CCSER1: variants seen among roughly 807,000 people sequenced by gnomAD.
The protein encoded by CCSER1 is serine-rich coiled-coil domain-containing protein 1.
CCSER1 carries 41 observed loss-of-function variants against 82.0 expected under a neutral mutation model. The ratio of observed to expected loss-of-function variants is 0.50; its 90% CI spans 0.39 to 0.65. The LOEUF (loss-of-function observed/expected upper bound fraction) is 0.65, where lower values mean the gene tolerates loss of function less well. CCSER1 is among the 30% of genes least tolerant of loss of function. The probability of loss-of-function intolerance (pLI) is 0.00; values close to 1 mark genes in which losing one functional copy is unlikely to be tolerated. For missense variants in CCSER1, 1,119 were observed against 1,064.2 expected, an observed-to-expected ratio of 1.05 and a Z score of -0.72; for synonymous variants, 414 against 383.9, an observed-to-expected ratio of 1.08 and a Z score of -0.92.
chr4:91,505,524 T>C (rs1233967897), intron 10 of CCSER1, among the ~76,000 whole-genome samples: 2 of 152,224 alleles, frequency 1.3e-5, no homozygotes, highest in Non-Finnish European at 2.9e-5. Flanking sequence ...TACCACACTA[T>C]CTTTCAAAAT....
intron 9 of CCSER1, among the ~76,000 whole-genome samples, chr4:90,968,723 C>A (rs1451263713): frequency 6.6e-6 from 1 of 151,928 alleles, no homozygotes. Flanking sequence ...CAGGAAGTTA[C>A]ATCTTCACCA....
chr4:90,285,008 A>C (rs1410522943), intron 1 of CCSER1, among the ~76,000 whole-genome samples: 1 of 151,918 alleles, frequency 6.6e-6, no homozygotes, highest in African/African-American at 2.4e-5. Context: ...GTTTGTTTTT[A>C]TGCTAGTATC....
intron 10 of CCSER1, among the ~76,000 whole-genome samples, chr4:91,515,255 T>C (rs561087053): frequency 6.6e-6 from 1 of 152,220 alleles, no homozygotes; most frequent in South Asian, 2.1e-4. Context: ...TTTGTTAATA[T>C]AGGTAAAGTC....
chr4:90,839,093 G>T (rs528019572), intron 8 of CCSER1: 1 of 1,372,226 alleles, frequency 7.3e-7, no homozygotes, highest in African/African-American at 1.4e-5. Context: ...TCTGGTCTGC[G>T]CAGTGGCCAC....
intron 3 of CCSER1, among the ~76,000 whole-genome samples, chr4:90,369,185 A>G (rs1470393302): frequency 2.3e-5 from 3 of 132,472 alleles, no homozygotes; most frequent in Admixed American, 7.5e-5. Context: ...GAGAAGGACA[A>G]AGATTAGGAT....
At chr4:91,037,735 A>C (rs72886612) in intron 9 of CCSER1, among the ~76,000 whole-genome samples, 2,332 of 152,060 alleles carry the variant, frequency 0.015, 71 homozygotes, top group African/African-American at 0.053. Flanking sequence ...GTATCTATAT[A>C]TCTTTTAATC....
rs1022591200 is a variant in CCSER1 at position 90,194,250 on chromosome 4, A to G, written c.-42+66419A>G. Reference sequence around the variant, plus strand: ...TATTTAACATAAGCCTTGATTTTTTATCTGTAAAGTAGGCATACTATTGTC... The same window carrying G: ...TATTTAACATAAGCCTTGATTTTTTGTCTGTAAAGTAGGCATACTATTGTC... On this transcript the variant is annotated intron_variant, in intron 1 of 10. Coordinates refer to ENST00000509176, the MANE Select transcript of CCSER1 (RefSeq NM_001145065.2). 1.3e-4 allele frequency among the ~76,000 whole-genome samples: 20 copies of G among 152,060 alleles called. No individual in the cohort carries two copies. In the East Asian group the frequency reaches 1.5e-3, roughly 12 times the overall value.
chr4:90,694,050 G>A (rs1313698041), intron 6 of CCSER1, among the ~76,000 whole-genome samples: 1 of 151,866 alleles, frequency 6.6e-6, no homozygotes, highest in Non-Finnish European at 1.5e-5. Context: ...AAAAGACATG[G>A]TGATTTTAAA....
chr4:90,588,213 A>G (rs1193001918), intron 5 of CCSER1, among the ~76,000 whole-genome samples: 1 of 152,166 alleles, frequency 6.6e-6, no homozygotes, highest in Admixed American at 6.6e-5. Flanking sequence ...TGATTCACTC[A>G]CAAGAGATTT....
intron 5 of CCSER1, among the ~76,000 whole-genome samples, chr4:90,566,751 C>A (rs935123224): frequency 6.6e-6 from 1 of 151,854 alleles, no homozygotes; most frequent in Non-Finnish European, 1.5e-5. Flanking sequence ...TACAGACGCC[C>A]GCCACCACGC....
Position 91,532,703 on chromosome 4 carries a change from C to CA in CCSER1, c.2218-65862dup, listed in dbSNP as rs11346458. Among the ~76,000 whole-genome samples, 11 of 151,674 alleles carry CA rather than the reference C, an allele frequency of 7.3e-5. No homozygotes were observed. In the East Asian group the frequency reaches 1.9e-3, roughly 27 times the overall value. ...GTAACATGATGAAACCCATTCTCTA[C>CA]AAAAAAATATGAAAATTAGATGGGT... On this transcript the variant is annotated intron_variant, in intron 10 of 10. Transcript: ENST00000509176.
At chr4:90,918,423 TA>T (rs1310179079) in intron 8 of CCSER1, 62 of 363,452 alleles carry the variant, frequency 1.7e-4, no homozygotes, top group African/African-American at 1.2e-3. Context: ...AAAGCTGGAG[TA>T]AAAGACATTA....
intron 3 of CCSER1, among the ~76,000 whole-genome samples, chr4:90,333,217 C>T (rs1739660015): frequency 6.6e-6 from 1 of 152,036 alleles, no homozygotes. Flanking sequence ...TTACTAGTTC[C>T]TCACCTCTCT....
intron 5 of CCSER1, among the ~76,000 whole-genome samples, chr4:90,541,182 G>A (rs1283818457): frequency 6.6e-6 from 1 of 152,012 alleles, no homozygotes; most frequent in African/African-American, 2.4e-5. Context: ...GGAAGAAAAG[G>A]ATGTAGAAAT....
chr4:90,849,564 T>C lies in CCSER1; in HGVS notation c.2094+33719T>C, dbSNP rs530957160. ...CAGCACTTTGGGAGGCTGAGGTGGG[T>C]GGATCATGAGGTCAGGAGATCAAGA... On this transcript the variant is annotated intron_variant, in intron 8 of 10. Coordinates refer to ENST00000509176, the MANE Select transcript of CCSER1 (RefSeq NM_001145065.2). Among the ~76,000 whole-genome samples, 4 of 151,670 alleles carry C rather than the reference T, an allele frequency of 2.6e-5. No homozygotes were observed. In the East Asian group the frequency reaches 5.8e-4, roughly 22 times the overall value.
intron 8 of CCSER1, among the ~76,000 whole-genome samples, chr4:90,825,416 A>C (rs1207016889): frequency 6.6e-6 from 1 of 152,214 alleles, no homozygotes; most frequent in Non-Finnish European, 1.5e-5. Context: ...TCCAGTACTT[A>C]GAGTAATTTA....
chr4:91,038,617 T>C (rs546319614), intron 9 of CCSER1, among the ~76,000 whole-genome samples: 5 of 152,334 alleles, frequency 3.3e-5, no homozygotes, highest in Admixed American at 2.6e-4. Context: ...GGACTTGATA[T>C]TCCAATCTAA....
At chr4:90,506,984 CTT>C (rs975260667) in intron 5 of CCSER1, among the ~76,000 whole-genome samples, 2 of 152,092 alleles carry the variant, frequency 1.3e-5, no homozygotes, top group Admixed American at 6.6e-5. Context: ...TTTCAGTTCT[CTT>C]GTCTCAAATA....
At chr4:91,046,273 ATAGTC>A (rs1742478827) in intron 9 of CCSER1, among the ~76,000 whole-genome samples, 1 of 152,054 alleles carries the variant, frequency 6.6e-6, no homozygotes, top group Admixed American at 6.5e-5. Flanking sequence ...TTCAGCTACT[ATAGTC>A]TATAATTAAG....
Sources: gnomAD v4.1 joint callset for allele counts (sites outside exome capture counted in the v4.1 genomes callset) on GRCh38, gnomAD v4.1.1 for gene constraint, MANE v1.5 for transcripts, NCBI Gene and HGNC (gene_info 2026-07-23, HGNC 2026-07-21) for gene names.